Variants in PKIA observed in about 807,000 individuals in gnomAD.
PKIA encodes the protein cAMP-dependent protein kinase inhibitor alpha.
In PKIA, 4 loss-of-function variants were observed where a neutral mutation model predicts 7.6. The observed-to-expected ratio is 0.52, with a 90% CI of 0.26 to 1.20. The LOEUF is 1.20. Among genes scored for constraint, PKIA ranks in the 50% most tolerant of loss-of-function variants. The pLI is 0.13. For synonymous variants in PKIA, 21 were observed against 30.7 expected (o/e 0.68, Z 1.04); for missense variants, 73 against 86.2 (o/e 0.85, Z 0.61).
At chr8:78,518,187 G>A (rs1332891185) in intron 1 of PKIA, among the ~76,000 whole-genome samples, 2 of 152,234 alleles carry the variant, frequency 1.3e-5, no homozygotes. Context: ...GAGGCATAGG[G>A]TGAGGGTGTA....
intron 2 of PKIA, among the ~76,000 whole-genome samples, chr8:78,575,346 G>T (rs1807647499): frequency 6.6e-6 from 1 of 151,596 alleles, no homozygotes; most frequent in Non-Finnish European, 1.5e-5. Flanking sequence ...TTTTTATTAA[G>T]TATGGGTTGT....
chr8:78,541,809 T>C (rs1018353381), intron 1 of PKIA, among the ~76,000 whole-genome samples: 52 of 124,588 alleles, frequency 4.2e-4, no homozygotes, highest in African/African-American at 9.6e-4. Flanking sequence ...GGATTTCTCT[T>C]TTTTTTTTTT....
chr8:78,555,950 G>T (rs1440190733), intron 1 of PKIA, among the ~76,000 whole-genome samples: 1 of 152,008 alleles, frequency 6.6e-6, no homozygotes, highest in Non-Finnish European at 1.5e-5. Context: ...GGGTAAAGGG[G>T]TTTGGTCTGA....
At chr8:78,534,302 G>C (rs1331326980) in intron 1 of PKIA, 1 of 152,074 alleles carries the variant, frequency 6.6e-6, no homozygotes, top group Non-Finnish European at 1.5e-5. Flanking sequence ...TCAGAAGGTA[G>C]GTCAGAGAAA....
chr8:78,559,464 C>T (rs1807233014), intron 1 of PKIA, among the ~76,000 whole-genome samples: 1 of 152,114 alleles, frequency 6.6e-6, no homozygotes, highest in Non-Finnish European at 1.5e-5. Context: ...CCCTGATAAC[C>T]TAAAAAGTGT....
intron 1 of PKIA, among the ~76,000 whole-genome samples, chr8:78,537,458 G>T (rs1806558732): frequency 6.6e-6 from 1 of 151,416 alleles, no homozygotes; most frequent in Non-Finnish European, 1.5e-5. Context: ...TAAAGAGATA[G>T]TCTAAAAAGC....
At chr8:78,592,879 A>T (rs1389847707) in intron 2 of PKIA, among the ~76,000 whole-genome samples, 2 of 152,220 alleles carry the variant, frequency 1.3e-5, no homozygotes, top group Non-Finnish European at 2.9e-5. Flanking sequence ...CTACAAGGAT[A>T]TGTATTATCA....
At chr8:78,564,815 A>G (rs986938658) in intron 1 of PKIA, among the ~76,000 whole-genome samples, 8 of 151,896 alleles carry the variant, frequency 5.3e-5, no homozygotes, top group Non-Finnish European at 7.4e-5. Context: ...TTATGAGACT[A>G]TCTAGCAAAA....
intron 2 of PKIA, among the ~76,000 whole-genome samples, chr8:78,590,851 A>G (rs1427682660): frequency 6.6e-6 from 1 of 152,194 alleles, no homozygotes; most frequent in Non-Finnish European, 1.5e-5. Context: ...TGAGCATGTA[A>G]TAGATATCTG....
chr8:78,572,541 GCACA>G (rs1554582465), intron 1 of PKIA, among the ~76,000 whole-genome samples: 652 of 98,394 alleles, frequency 6.6e-3, no homozygotes, highest in Non-Finnish European at 8.7e-3. Context: ...AAAGCTGCAC[GCACA>G]CACACACACA....
chr8:78,531,834 G>A (rs1447183807), intron 1 of PKIA, among the ~76,000 whole-genome samples: 1 of 152,066 alleles, frequency 6.6e-6, no homozygotes, highest in Non-Finnish European at 1.5e-5. Flanking sequence ...CCTGCTAGCT[G>A]GTTGACATGG....
chr8:78,532,519 A>AG (rs951602795), intron 1 of PKIA, among the ~76,000 whole-genome samples: 8 of 151,832 alleles, frequency 5.3e-5, no homozygotes, highest in African/African-American at 1.9e-4. Flanking sequence ...CAAAAAAAAA[A>AG]AAAAAAGGAA....
At chr8:78,531,188 T>A (rs1314212586) in intron 1 of PKIA, among the ~76,000 whole-genome samples, 1 of 152,112 alleles carries the variant, frequency 6.6e-6, no homozygotes, top group Admixed American at 6.6e-5. Context: ...AATTTCATCT[T>A]TCACTTGGGA....
At chr8:78,583,603 G>C (rs1807873657) in intron 2 of PKIA, among the ~76,000 whole-genome samples, 2 of 152,052 alleles carry the variant, frequency 1.3e-5, no homozygotes, top group Non-Finnish European at 2.9e-5. Flanking sequence ...AAATGACTCT[G>C]CTTGCATTTG....
At chr8:78,580,406 C>A (rs962084120) in intron 2 of PKIA, among the ~76,000 whole-genome samples, 15 of 151,946 alleles carry the variant, frequency 9.9e-5, no homozygotes, top group African/African-American at 3.1e-4. Context: ...CTTCCTTGTC[C>A]TTTCCCTTCT....
chr8:78,565,628 C>T (rs1042317730), intron 1 of PKIA, among the ~76,000 whole-genome samples: 22 of 151,822 alleles, frequency 1.4e-4, no homozygotes, highest in African/African-American at 4.6e-4. Flanking sequence ...CTCAGTAGCC[C>T]TTTATTGAAG....
intron 1 of PKIA, among the ~76,000 whole-genome samples, chr8:78,558,187 G>T (rs907351631): frequency 6.6e-6 from 1 of 152,120 alleles, no homozygotes; most frequent in African/African-American, 2.4e-5. Context: ...TATAATCTTT[G>T]CAGTGTCCCT....
intron 1 of PKIA, among the ~76,000 whole-genome samples, chr8:78,567,656 C>T (rs1312216271): frequency 6.6e-6 from 1 of 152,132 alleles, no homozygotes; most frequent in Non-Finnish European, 1.5e-5. Context: ...CTACGCTCAG[C>T]CAACAATAAG....
In PKIA at chr8:78,602,713, A is replaced by ATATATATT. The variant is rs1554584766; in HGVS notation, c.*893_*894insATATATTT. On this transcript the variant is annotated 3_prime_UTR_variant, in exon 4 of 4. Transcript: ENST00000396418. ...CCACATAATATATATATATATATAT[A>ATATATATT]TTTTAATTTATGAGAATTTTGGACA... The ATATATATT allele has an allele frequency of 6.8e-6, 1 of 147,890 alleles. No individual in the cohort carries two copies. The highest frequency in any genetic ancestry group is 2.5e-5 in the African/African-American group (1 of 39,954). 9.2% of individuals were successfully genotyped at this position (147,890 alleles called of 1,614,324 possible).
Sources: gnomAD v4.1 joint callset for allele counts (sites outside exome capture counted in the v4.1 genomes callset) on GRCh38, gnomAD v4.1.1 for gene constraint, MANE v1.5 for transcripts, NCBI Gene and HGNC (gene_info 2026-07-23, HGNC 2026-07-21) for gene names.